Variants in ANKRD24 observed in about 807,000 individuals in gnomAD.
The protein encoded by ANKRD24 is ankyrin repeat domain-containing protein 24.
ANKRD24 carries 109 observed loss-of-function variants against 127.8 expected under a neutral mutation model. The observed-to-expected ratio is 0.85, with a 90% CI of 0.73 to 1.00. The LOEUF is 1.00. Ranked by LOEUF, ANKRD24 falls within the 50% of genes least tolerant of loss-of-function variation. The probability of loss-of-function intolerance (pLI) is 0.00; values close to 1 mark genes in which losing one functional copy is unlikely to be tolerated. For synonymous variants in ANKRD24, 743 were observed against 671.1 expected, an observed-to-expected ratio of 1.11 and a Z score of -1.66; for missense variants, 1,648 against 1,570.2, an observed-to-expected ratio of 1.05 and a Z score of -0.84.
rs1970205524 is a variant in ANKRD24 at position 4,217,865 on chromosome 19, T to C, written c.2705T>C (p.Leu902Pro). ...GAGGCGCGGCAGGGCCTGGCCGAGC[T>C]GCGGGAGGCCTCCGAGGCCCTCCGC... is the stretch of plus-strand genomic sequence containing the variant. The part of the protein sequence containing the change: ...CEEARQGLAE[L>P]REASEALRQS... Residue 902 changes from leucine (L) to proline (P), a missense_variant, in exon 18 of 22, where the codon CTG becomes CCG. Leu to Pro is a moderately conservative substitution (Grantham distance 98, BLOSUM62 -3). Transcript: ENST00000318934. The C allele has an allele frequency of 2.1e-6, 3 of 1,457,530 alleles. No individual in the cohort carries two copies. Among genetic ancestry groups the C allele is most frequent in the Non-Finnish European group, 2.7e-6 (3 of 1,111,552 alleles). 90.3% of individuals were successfully genotyped at this position (1,457,530 alleles called of 1,614,324 possible).
rs188465441 is a variant in ANKRD24 at position 4,195,620 on chromosome 19, G to T, written c.37-4063G>T. 6.6e-6 allele frequency among the ~76,000 whole-genome samples: 1 copy of T among 152,234 alleles called. No individual in the cohort carries two copies. Among genetic ancestry groups the T allele is most frequent in the Middle Eastern group, 3.4e-3 (1 of 294 alleles). ...TTGTCCAAACATGTCTAAGAGGGCC[G>T]GGCGCAGTGGCTCACGCCTGTAATC... On this transcript the variant is annotated intron_variant, in intron 2 of 21. Transcript: ENST00000318934. This position sits in a 1 kb window ranked among gnomAD's most constrained non-coding sequence, Gnocchi z 4.2.
chr19:4,208,870 G>T, intron 11 of ANKRD24, 69 bp downstream of exon 11: 2 of 1,522,168 alleles, frequency 1.3e-6, no homozygotes, highest in South Asian at 2.3e-5. Context: ...CCTGCCCCAA[G>T]CTCTGTGAGA....
intron 2 of ANKRD24, among the ~76,000 whole-genome samples, chr19:4,190,996 G>A (rs1258622542): frequency 6.6e-6 from 1 of 152,188 alleles, no homozygotes; most frequent in East Asian, 1.9e-4. Context: ...TTTGCAATGG[G>A]AGGGGTCGGG....
chr19:4,187,419 G>GAA (rs573288227), intron 2 of ANKRD24, among the ~76,000 whole-genome samples: 1 of 138,238 alleles, frequency 7.2e-6, no homozygotes, highest in Non-Finnish European at 1.6e-5. Context: ...TCTCAAAAAA[G>GAA]AAAAAAAAAA....
intron 7 of ANKRD24, among the ~76,000 whole-genome samples, chr19:4,203,823 G>C (rs1347592795): frequency 6.6e-6 from 1 of 151,520 alleles, no homozygotes; most frequent in African/African-American, 2.4e-5. Context: ...AAATTTTTTT[G>C]TATTTTTAGT....
intron 20 of ANKRD24, among the ~76,000 whole-genome samples, chr19:4,223,891 A>T (rs1378331948): frequency 6.6e-6 from 1 of 151,498 alleles, no homozygotes; most frequent in East Asian, 1.9e-4. Context: ...TAGAGACGGG[A>T]TTTTACCATG....
rs1174392642 is a variant in ANKRD24 at position 4,217,247 on chromosome 19, G to A, written c.2087G>A (p.Gly696Glu). Residue 696 changes from glycine to glutamate, a missense_variant, in exon 18 of 22, where the codon GGG becomes GAG. By Grantham distance (98) the Gly-to-Glu change is moderately conservative (BLOSUM62 -2). Transcript: ENST00000318934. Reference sequence around the variant, plus strand: ...AGTGCCACAGGTGTGGAGAACCCAGGGGTAGAGGCCACGGTCCCGGGGATC... The same window carrying A: ...AGTGCCACAGGTGTGGAGAACCCAGAGGTAGAGGCCACGGTCCCGGGGATC... ...GVSATGVENP[G>E]VEATVPGISA... 6.3e-7 allele frequency: 1 copy of A among 1,590,840 alleles called. No homozygotes were observed. Among genetic ancestry groups the A allele is most frequent in the Non-Finnish European group, 8.6e-7 (1 of 1,168,518 alleles).
intron 2 of ANKRD24, among the ~76,000 whole-genome samples, chr19:4,194,181 G>A (rs893760494): frequency 1.3e-5 from 2 of 152,040 alleles, no homozygotes; most frequent in South Asian, 2.1e-4. Context: ...GTTTTGTTCC[G>A]AGATGGAGTC....
chr19:4,184,502 C>T (rs955006846), intron 1 of ANKRD24, among the ~76,000 whole-genome samples: 10 of 152,364 alleles, frequency 6.6e-5, no homozygotes, highest in Admixed American at 3.3e-4. Flanking sequence ...CCCTGCCTAG[C>T]TTCCTCCAAG....
At chr19:4,204,120 T>C (rs1035822040) in intron 7 of ANKRD24, among the ~76,000 whole-genome samples, 2 of 151,822 alleles carry the variant, frequency 1.3e-5, no homozygotes, top group African/African-American at 4.8e-5. Context: ...CCTGCCACCA[T>C]GCCCGGCTAA....
chr19:4,224,094 G>C (rs771518641), intron 20 of ANKRD24, 33 bp from the exon 21 acceptor site: 2 of 1,601,284 alleles, frequency 1.2e-6, no homozygotes, highest in Non-Finnish European at 1.7e-6. Flanking sequence ...AGGTGCTCCT[G>C]CTCTTCTGAG....
At chr19:4,202,166 G>A (rs1456602986) in intron 6 of ANKRD24, 76 bp downstream of exon 6, 3 of 1,333,790 alleles carry the variant, frequency 2.2e-6, no homozygotes, top group Non-Finnish European at 3.2e-6. Context: ...TGAACCCCCA[G>A]ATGCTCTATG....
At chr19:4,187,098 G>T (rs1415449862) in intron 2 of ANKRD24, among the ~76,000 whole-genome samples, 2 of 152,104 alleles carry the variant, frequency 1.3e-5, no homozygotes, top group African/African-American at 2.4e-5. Context: ...AGAGGAGGTG[G>T]TATTAAAGCA....
intron 9 of ANKRD24, 80 bp downstream of exon 9, chr19:4,207,687 C>G: frequency 6.3e-7 from 1 of 1,594,930 alleles, no homozygotes; most frequent in Non-Finnish European, 8.6e-7. Context: ...GACGATCTAG[C>G]CAGCCTCCTC....
chr19:4,207,807 G>A lies in ANKRD24; in HGVS notation c.671G>A (p.Gly224Glu), dbSNP rs1277193649. The change falls in exon 10 of 22, where the codon GGG (glycine) becomes GAG (glutamate). Residue 224 changes from glycine (G) to glutamate (E), a missense_variant. Physicochemically the swap from Gly to Glu is moderately conservative, Grantham distance 98. Transcript: ENST00000318934. Reference protein sequence around the residue: ...GRTALMLACEGASPETVEVLL... With the variant: ...GRTALMLACEEASPETVEVLL... ...ACGGCCCTGATGCTGGCCTGTGAGGGGGCCAGCCCCGAAACAGTGGAGGTC... is the reference window on the plus strand; with the variant it reads ...ACGGCCCTGATGCTGGCCTGTGAGGAGGCCAGCCCCGAAACAGTGGAGGTC... 6 of 1,573,130 alleles carry A rather than the reference G, an allele frequency of 3.8e-6. No homozygotes were observed. The highest frequency in any genetic ancestry group is 5.2e-6 in the Non-Finnish European group (6 of 1,160,600).
chr19:4,221,265 C>T (rs1321146628), intron 19 of ANKRD24, among the ~76,000 whole-genome samples: 3 of 151,898 alleles, frequency 2.0e-5, no homozygotes, highest in African/African-American at 4.8e-5. Flanking sequence ...TTAGTAGAGA[C>T]TGGGTTTCAC....
rs752310052 is a variant in ANKRD24, at chr19:4,216,304, A to G, written c.1291A>G (p.Arg431Gly). The change falls in exon 17 of 22, where the codon AGA becomes GGA. Residue 431 changes from arginine (R) to glycine (G), a missense_variant. Arg to Gly is a moderately radical substitution (Grantham distance 125). Coordinates refer to ENST00000318934, the MANE Select transcript of ANKRD24 (RefSeq NM_001393985.1). ...TCCAGGGGCCGAGGTGCTGCTGTCC[A>G]GACAACTCAGTCCGTCGGCCCAGGA... is the stretch of plus-strand genomic sequence containing the variant. The part of the protein sequence containing the change: ...DLPGAEVLLS[R>G]QLSPSAQEHL... 13 of 1,556,508 alleles carry G rather than the reference A, an allele frequency of 8.4e-6. No homozygotes were observed. The highest frequency in any genetic ancestry group is 1.1e-5 in the Non-Finnish European group (13 of 1,149,990).
chr19:4,202,147 G>A, intron 6 of ANKRD24, 57 bp downstream of exon 6: 1 of 1,503,842 alleles, frequency 6.6e-7, no homozygotes, highest in African/African-American at 1.4e-5. Flanking sequence ...CTGAGTTCCA[G>A]CAATTCCTTG....
intron 1 of ANKRD24, chr19:4,183,342 T>C: frequency 6.1e-6 from 6 of 986,206 alleles, no homozygotes; most frequent in Non-Finnish European, 7.2e-6. Flanking sequence ...CTGCTCAAGG[T>C]CAATGGGGCT....
Sources: allele counts gnomAD v4.1 joint callset (sites outside exome capture counted in the v4.1 genomes callset), GRCh38; gene constraint gnomAD v4.1.1; non-coding constraint Gnocchi (gnomAD v3.1); transcripts MANE v1.5; gene names NCBI Gene and HGNC (gene_info 2026-07-23, HGNC 2026-07-21).